The following MAGEC3 variants were observed in gnomAD, a reference collection of about 807,000 sequenced individuals.
The protein encoded by MAGEC3 is melanoma-associated antigen C3.
In MAGEC3, 34 loss-of-function variants were observed where a neutral mutation model predicts 35.3. That is an observed-to-expected ratio of 0.96 (90% CI 0.73 to 1.28). The LOEUF (loss-of-function observed/expected upper bound fraction) is 1.28. MAGEC3 is among the 50% of genes most tolerant of loss of function. The pLI, the probability that MAGEC3 is intolerant of heterozygous loss-of-function variation, is 0.00. For missense variants in MAGEC3, 561 were observed against 483.6 expected (o/e 1.16, Z -1.50); for synonymous variants, 202 against 185.6 (o/e 1.09, Z -0.72).
chrX:141,872,682 A>AG lies in MAGEC3; in HGVS notation c.259-6492dup, dbSNP rs2017895989. ...CCTAGACTGGAGCCACATGAGGAGG[A>AG]GAGAGAGAGAGAGAAAGACGGAGGA... On this transcript the variant is annotated intron_variant, in intron 2 of 7. Transcript: ENST00000298296. Among the ~76,000 whole-genome samples the AG allele has an allele frequency of 2.7e-5, 3 of 110,153 alleles. No individual in the cohort carries two copies. In the Admixed American group the frequency reaches 2.9e-4, roughly 11 times the overall value.
At position 141,896,989 on chromosome X, in the gene MAGEC3, C is replaced by G. The variant is rs751787839; in HGVS notation, c.1231C>G (p.Pro411Ala). 3 of 1,204,681 alleles carry G rather than the reference C, an allele frequency of 2.5e-6. No homozygotes were observed. In the African/African-American group the frequency reaches 5.3e-5, roughly 21 times the overall value. ...KISPQGPPQS[P>A]PQSPLDSCSS... ...CTCTCCCCAGGGTCCTCCGCAGAGT[C>G]CTCCCCAGAGTCCTCTAGACTCCTG... The change falls in exon 7 of 8, where the codon CCT (proline) becomes GCT (alanine). Residue 411 changes from proline to alanine, a missense_variant. Transcript: ENST00000298296.
chrX:141,866,368 CATGTGG>C (rs2017849090), intron 2 of MAGEC3, among the ~76,000 whole-genome samples: 1 of 111,814 alleles, frequency 8.9e-6, no homozygotes, highest in Non-Finnish European at 1.9e-5. Flanking sequence ...TATATTTTTG[CATGTGG>C]ATGTCCAGTT....
chrX:141,892,651 C>G (rs1244928418), intron 4 of MAGEC3, among the ~76,000 whole-genome samples: 2 of 111,025 alleles, frequency 1.8e-5, no homozygotes, highest in East Asian at 5.6e-4. Flanking sequence ...CACATTTTAT[C>G]AGAGTTTTAA....
intron 1 of MAGEC3, among the ~76,000 whole-genome samples, chrX:141,862,002 C>T (rs761750207): frequency 9.0e-6 from 1 of 111,599 alleles, no homozygotes; most frequent in Non-Finnish European, 1.9e-5. Flanking sequence ...AGACAATTCC[C>T]TTCCTTGAAA....
At chrX:141,879,486 A>T in intron 3 of MAGEC3, 55 bp downstream of exon 3, 1 of 1,112,447 alleles carries the variant, frequency 9.0e-7, no homozygotes, top group Non-Finnish European at 1.2e-6. Context: ...AGGTGGAGGG[A>T]TACCGAGAGG....
chrX:141,879,267 A>C lies in MAGEC3; in HGVS notation c.351A>C (p.Ala117=). The change falls in exon 3 of 8, where the codon GCA becomes GCC. Residue 117 remains alanine, a synonymous_variant. Coordinates refer to ENST00000298296, the MANE Select transcript of MAGEC3 (RefSeq NM_138702.1). ...QPEGKFSLRR[A]VSVKQREEPQ... ...AGGGGAAGTTTTCTCTGAGGAGGGC[A>C]GTTTCAGTTAAGCAGAGGGAGGAAC... 8.3e-7 allele frequency: 1 copy of C among 1,206,547 alleles called. No homozygotes were observed. The highest frequency in any genetic ancestry group is 3.0e-5 in the East Asian group (1 of 33,690).
At chrX:141,841,841 G>A (rs2017687642) in intron 1 of MAGEC3, among the ~76,000 whole-genome samples, 1 of 111,656 alleles carries the variant, frequency 9.0e-6, no homozygotes, top group Non-Finnish European at 1.9e-5. Context: ...TGAGAAAAGG[G>A]ACTGCTATTA....
At chrX:141,847,002 A>G (rs1180942723) in intron 1 of MAGEC3, among the ~76,000 whole-genome samples, 1 of 111,146 alleles carries the variant, frequency 9.0e-6, no homozygotes, top group African/African-American at 3.2e-5. Context: ...AAAAGCAATT[A>G]CCCCAGTGCA....
chrX:141,876,772 A>G (rs2017922267), intron 2 of MAGEC3, among the ~76,000 whole-genome samples: 1 of 111,966 alleles, frequency 8.9e-6, no homozygotes, highest in Non-Finnish European at 1.9e-5. Flanking sequence ...CTGTTGTTCC[A>G]CTGACACTTA....
chrX:141,846,862 T>C (rs747377828), intron 1 of MAGEC3, among the ~76,000 whole-genome samples: 1 of 111,128 alleles, frequency 9.0e-6, no homozygotes, highest in South Asian at 3.7e-4. Flanking sequence ...ATAGGTCATA[T>C]TACTCTCATT....
chrX:141,890,872 C>T (rs2018036643), intron 4 of MAGEC3, among the ~76,000 whole-genome samples: 1 of 111,696 alleles, frequency 9.0e-6, no homozygotes, highest in Admixed American at 9.5e-5. Flanking sequence ...TTCTGTTCAG[C>T]AGTTAACATC....
chrX:141,892,574 T>C (rs756510266), intron 4 of MAGEC3, among the ~76,000 whole-genome samples: 2 of 111,259 alleles, frequency 1.8e-5, no homozygotes, highest in Non-Finnish European at 3.8e-5. Flanking sequence ...ATTATTATTA[T>C]TTAATAATAA....
chrX:141,854,916 A>G (rs2124091269), intron 1 of MAGEC3, among the ~76,000 whole-genome samples: 1 of 111,830 alleles, frequency 8.9e-6, no homozygotes, highest in African/African-American at 3.2e-5. Flanking sequence ...AATAACTTTA[A>G]AAATATGTTA....
chrX:141,895,593 T>C (rs1204824583), intron 6 of MAGEC3, 34 bp downstream of exon 6: 7 of 1,153,381 alleles, frequency 6.1e-6, no homozygotes, highest in Admixed American at 5.1e-5. Flanking sequence ...TAGGAAGACA[T>C]TGAGGAGGAC....
intron 2 of MAGEC3, among the ~76,000 whole-genome samples, chrX:141,866,218 C>T (rs948706010): frequency 4.5e-5 from 5 of 111,928 alleles, no homozygotes; most frequent in Middle Eastern, 4.6e-3. Context: ...TACATCTCTT[C>T]GCCTAAGTCC....
In MAGEC3 at chrX:141,880,740, T is replaced by C. The variant is rs779139090; in HGVS notation, c.516-663T>C. On this transcript the variant is annotated intron_variant, in intron 3 of 7. Coordinates refer to ENST00000298296, the MANE Select transcript of MAGEC3 (RefSeq NM_138702.1). ...CTGCCAGCTGTGCCCCGAGGTGCTT[T>C]CTCACATCCTCCTACAGGTTCCCAG... is the stretch of plus-strand genomic sequence containing the variant. 4 of 807,544 alleles carry C rather than the reference T, an allele frequency of 5.0e-6. No homozygotes were observed. In the East Asian group the frequency reaches 1.6e-4, roughly 32 times the overall value. 66.6% of individuals were successfully genotyped at this position (807,544 alleles called of 1,213,427 possible). A position where few individuals can be genotyped will look rare whatever the true frequency, so the allele number is the denominator to read the frequency against.
At chrX:141,873,106 G>A (rs953630703) in intron 2 of MAGEC3, among the ~76,000 whole-genome samples, 6 of 111,928 alleles carry the variant, frequency 5.4e-5, no homozygotes, top group African/African-American at 2.0e-4. Flanking sequence ...CCTGAGAGGA[G>A]CTTCTGGCCG....
intron 1 of MAGEC3, among the ~76,000 whole-genome samples, chrX:141,861,466 C>T (rs1233834174): frequency 9.0e-6 from 1 of 111,368 alleles, no homozygotes; most frequent in Non-Finnish European, 1.9e-5. Flanking sequence ...AAAAGAGCCA[C>T]AATAACCAAA....
intron 1 of MAGEC3, among the ~76,000 whole-genome samples, chrX:141,851,665 T>C (rs1267614849): frequency 9.0e-6 from 1 of 110,920 alleles, no homozygotes; most frequent in Non-Finnish European, 1.9e-5. Context: ...TGTCCCAGAC[T>C]CTGACAATCA....
Sources: gnomAD v4.1 joint callset for allele counts (sites outside exome capture counted in the v4.1 genomes callset) on GRCh38, gnomAD v4.1.1 for gene constraint, MANE v1.5 for transcripts, NCBI Gene and HGNC (gene_info 2026-07-23, HGNC 2026-07-21) for gene names.